The following B3GALNT2 variants were observed in gnomAD, a reference collection of about 807,000 sequenced individuals.
B3GALNT2 encodes UDP-GalNAc:beta-1,3-N-acetylgalactosaminyltransferase 2.
Under a neutral mutation model 61.1 loss-of-function variants are expected in B3GALNT2, and 53 were observed. The ratio of observed to expected loss-of-function variants is 0.87; its 90% CI spans 0.70 to 1.09. The LOEUF (loss-of-function observed/expected upper bound fraction) is 1.09. Among genes scored for constraint, B3GALNT2 ranks in the 50% least tolerant of loss-of-function variants. B3GALNT2 has a pLI of 0.00. For missense variants in B3GALNT2, 544 were observed against 623.0 expected, an observed-to-expected ratio of 0.87 and a Z score of 1.35; for synonymous variants, 223 against 237.4, an observed-to-expected ratio of 0.94 and a Z score of 0.56.
rs773087120 is a variant in B3GALNT2 at position 235,489,310 on chromosome 1, C to T, written c.261-42G>A. 6.8e-6 allele frequency: 11 copies of T among 1,608,698 alleles called. No homozygotes were observed. The Admixed American group carries it at 1.7e-4, about 25-fold the overall frequency. On this transcript the variant is annotated intron_variant, in intron 2 of 11. Transcript: ENST00000366600. ...CATTAACATCAGTTACTGATCTTCA[C>T]CTCGCACATGCACGTTTCCTCATGC...
At chr1:235,461,096 A>C (rs1371631614) in intron 7 of B3GALNT2, among the ~76,000 whole-genome samples, 1 of 152,178 alleles carries the variant, frequency 6.6e-6, no homozygotes, top group Non-Finnish European at 1.5e-5. Context: ...ATACAAAGAA[A>C]ATGAGCTGCT....
At chr1:235,451,475 A>C (rs1409719453) in intron 11 of B3GALNT2, 2 of 149,034 alleles carry the variant, frequency 1.3e-5, no homozygotes, top group Non-Finnish European at 3.0e-5. Context: ...ATGGTCACAA[A>C]AAAAAAAAAA....
At chr1:235,460,191 G>A (rs1045038522) in intron 7 of B3GALNT2, among the ~76,000 whole-genome samples, 13 of 151,974 alleles carry the variant, frequency 8.6e-5, no homozygotes, top group African/African-American at 2.9e-4. Flanking sequence ...TCAGCTCACT[G>A]TAATCTCCAC....
In B3GALNT2 at chr1:235,504,263, C is replaced by G. The variant is rs542175621; in HGVS notation, c.-11G>C. 6.1e-6 allele frequency: 9 copies of G among 1,486,602 alleles called. No homozygotes were observed. In the South Asian group the frequency reaches 8.7e-5, roughly 14 times the overall value. 92.1% of individuals were successfully genotyped at this position (1,486,602 alleles called of 1,614,324 possible). On this transcript the variant is annotated 5_prime_UTR_variant, in exon 1 of 12. Transcript: ENST00000366600. The stretch of plus-strand genomic sequence containing the variant: ...CAGCCAGTTTCGCATTGGCCGCCCC[C>G]GCCGCGAGCCGGGCTCTCCCGCGTC...
intron 1 of B3GALNT2, among the ~76,000 whole-genome samples, chr1:235,498,007 T>C (rs994073800): frequency 1.3e-5 from 2 of 152,208 alleles, no homozygotes; most frequent in Non-Finnish European, 2.9e-5. Flanking sequence ...TCTCTTTTTC[T>C]TGCAGAGGGA....
intron 1 of B3GALNT2, among the ~76,000 whole-genome samples, chr1:235,496,786 C>T (rs1685346807): frequency 6.6e-6 from 1 of 151,976 alleles, no homozygotes. Flanking sequence ...CCTTGTGATC[C>T]ACCGCCTCGG....
chr1:235,442,952 A>C, downstream of B3GALNT2: 1 of 1,605,604 alleles, frequency 6.2e-7, no homozygotes, highest in Non-Finnish European at 8.5e-7. Flanking sequence ...ACTCTGAATC[A>C]TCGGCCTAGG....
chr1:235,470,702 GACA>G (rs1683952845), intron 6 of B3GALNT2, 145 bp downstream of exon 6: 8 of 1,227,366 alleles, frequency 6.5e-6, no homozygotes, highest in Admixed American at 3.1e-5. Flanking sequence ...TTACTATGAA[GACA>G]ACAACATTTG....
rs1682696009 is a variant in B3GALNT2 at position 235,448,910 on chromosome 1, G to GA, written c.*1295dup. ...TAACAAGGGATGTATTTTTTGTTGG[G>GA]AAGTGACCATTTCTAGGCTTATACA... On this transcript the variant is annotated 3_prime_UTR_variant, in exon 12 of 12. Coordinates refer to ENST00000366600, the MANE Select transcript of B3GALNT2 (RefSeq NM_152490.5). 1.5e-6 allele frequency: 1 copy of GA among 678,780 alleles called. No individual in the cohort carries two copies. The allele number at this position is 678,780 out of a possible 1,614,324, so 42.0% of individuals were successfully genotyped here. A position where few individuals can be genotyped will look rare whatever the true frequency, so the allele number is the denominator to read the frequency against.
intron 5 of B3GALNT2, among the ~76,000 whole-genome samples, chr1:235,472,529 T>G (rs977705475): frequency 1.3e-5 from 2 of 152,134 alleles, no homozygotes; most frequent in African/African-American, 2.4e-5. Context: ...TATTTCTTAT[T>G]TTATTTTATT....
intron 1 of B3GALNT2, among the ~76,000 whole-genome samples, chr1:235,502,419 T>C (rs928100917): frequency 6.6e-6 from 1 of 152,152 alleles, no homozygotes. Context: ...TGCACACGTA[T>C]CCCGGAACTT....
intron 7 of B3GALNT2, among the ~76,000 whole-genome samples, chr1:235,460,980 G>T (rs1683393711): frequency 6.6e-6 from 1 of 152,120 alleles, no homozygotes; most frequent in South Asian, 2.1e-4. Flanking sequence ...ACGTGTGCAG[G>T]GACTGTCCCC....
At chr1:235,458,522 C>A (rs894879879) in intron 8 of B3GALNT2, 81 bp downstream of exon 8, 15 of 1,486,220 alleles carry the variant, frequency 1.0e-5, no homozygotes, top group Admixed American at 2.4e-5. Context: ...GGTTTCCTTA[C>A]AGCCTAGTAA....
intron 6 of B3GALNT2, among the ~76,000 whole-genome samples, chr1:235,466,480 G>A (rs1187117095): frequency 2.0e-5 from 3 of 152,048 alleles, no homozygotes; most frequent in African/African-American, 7.2e-5. Flanking sequence ...AGCCTTACAA[G>A]CAGCTAGCAC....
At chr1:235,486,743 A>C (rs1684825381) in intron 3 of B3GALNT2, among the ~76,000 whole-genome samples, 1 of 152,228 alleles carries the variant, frequency 6.6e-6, no homozygotes, top group African/African-American at 2.4e-5. Context: ...TAAGATAATA[A>C]AAATATGGTT....
Position 235,450,261 on chromosome 1 carries a change from TC to T in B3GALNT2, c.1447del (p.Glu483AsnfsTer5). On this transcript the variant is annotated frameshift_variant, in exon 12 of 12. Coordinates refer to ENST00000366600, the MANE Select transcript of B3GALNT2 (RefSeq NM_152490.5). LOFTEE classifies it high-confidence loss of function. Reference protein sequence around the residue: ...SPQYSPWELTELWKLKERCGD... With the variant: ...SPQYSPWELTXLWKLKERCGD... ...GCACCGTTCCTTCAGTTTCCACAGT[TC>T]CGTCAGTTCCCACGGAGAATACTGA... 6.2e-7 allele frequency: 1 copy of T among 1,614,118 alleles called. No individual in the cohort carries two copies. The highest frequency in any genetic ancestry group is 8.5e-7 in the Non-Finnish European group (1 of 1,179,970).
At chr1:235,468,803 T>C (rs959698759) in intron 6 of B3GALNT2, among the ~76,000 whole-genome samples, 11 of 152,190 alleles carry the variant, frequency 7.2e-5, no homozygotes, top group Admixed American at 7.2e-4. Context: ...ATATGCTGGG[T>C]ATTTTAAAGT....
rs1283932162 is a variant in B3GALNT2 at position 235,504,290 on chromosome 1, C to G, written c.-38G>C. On this transcript the variant is annotated 5_prime_UTR_variant, in exon 1 of 12. Coordinates refer to ENST00000366600, the MANE Select transcript of B3GALNT2 (RefSeq NM_152490.5). ...CCGCGAGCCGGGCTCTCCCGCGTCC[C>G]GGCGGAGAGGGAGGGGACCTGCAAG... The G allele has an allele frequency of 6.8e-7, 1 of 1,480,948 alleles. No individual in the cohort carries two copies. Among genetic ancestry groups the G allele is most frequent in the East Asian group, 3.0e-5 (1 of 33,868 alleles). 91.7% of individuals were successfully genotyped at this position (1,480,948 alleles called of 1,614,324 possible).
At chr1:235,443,322 C>T (rs1465263857), downstream of B3GALNT2, among the ~76,000 whole-genome samples, 1 of 152,134 alleles carries the variant, frequency 6.6e-6, no homozygotes, top group African/African-American at 2.4e-5. Flanking sequence ...CAGCCTCAGC[C>T]TCCACGTAGC....
Sources: allele counts gnomAD v4.1 joint callset (sites outside exome capture counted in the v4.1 genomes callset), GRCh38; gene constraint gnomAD v4.1.1; transcripts MANE v1.5; gene names NCBI Gene and HGNC (gene_info 2026-07-23, HGNC 2026-07-21).